Variants in ZFHX3 observed in about 807,000 individuals in gnomAD.
ZFHX3 encodes the protein zinc finger homeobox protein 3.
Under a neutral mutation model 279.1 loss-of-function variants are expected in ZFHX3, and 42 were observed. That is an observed-to-expected ratio of 0.15 (90% CI 0.12 to 0.19). ZFHX3 has a LOEUF of 0.19. ZFHX3 is among the 10% of genes least tolerant of loss of function. ZFHX3 has a pLI of 1.00. For synonymous variants in ZFHX3, 2,293 were observed against 1,957.8 expected, an observed-to-expected ratio of 1.17 and a Z score of -4.52; for missense variants, 4,981 against 4,754.0, an observed-to-expected ratio of 1.05 and a Z score of -1.40.
chr16:73,345,963 C>T (rs898810418), intron 3 of ZFHX3, among the ~76,000 whole-genome samples: 3 of 152,124 alleles, frequency 2.0e-5, no homozygotes, highest in Admixed American at 6.5e-5. Context: ...GCCATAAAGA[C>T]GCTGGGATTC....
intron 3 of ZFHX3, among the ~76,000 whole-genome samples, chr16:73,364,562 C>T (rs1199499620): frequency 6.6e-6 from 1 of 152,120 alleles, no homozygotes; most frequent in African/African-American, 2.4e-5. Flanking sequence ...GAAAGTCCCA[C>T]AGTATGATCA....
At chr16:73,507,414 T>C (rs1227857159) in intron 2 of ZFHX3, among the ~76,000 whole-genome samples, 1 of 147,958 alleles carries the variant, frequency 6.8e-6, no homozygotes, top group African/African-American at 2.5e-5. Context: ...TTTGTGTCCC[T>C]CCCTTGGATG....
chr16:73,721,064 C>T (rs2053469022), intron 1 of ZFHX3, among the ~76,000 whole-genome samples: 1 of 152,166 alleles, frequency 6.6e-6, no homozygotes, highest in Admixed American at 6.5e-5. Context: ...TCTATGTTTC[C>T]CAGTTCACCA....
At chr16:73,315,405 T>C (rs2015423141) in intron 4 of ZFHX3, among the ~76,000 whole-genome samples, 1 of 152,192 alleles carries the variant, frequency 6.6e-6, no homozygotes, top group Non-Finnish European at 1.5e-5. Flanking sequence ...TTTAGTTTAC[T>C]ATACCTCTCG....
intron 5 of ZFHX3, among the ~76,000 whole-genome samples, chr16:73,237,682 T>C (rs2012997300): frequency 6.6e-6 from 1 of 152,054 alleles, no homozygotes; most frequent in African/African-American, 2.4e-5. Flanking sequence ...GCTTCCTTGA[T>C]TCTTGATCCA....
At chr16:73,437,584 T>C (rs1404967319) in intron 3 of ZFHX3, among the ~76,000 whole-genome samples, 1 of 152,194 alleles carries the variant, frequency 6.6e-6, no homozygotes, top group Non-Finnish European at 1.5e-5. Flanking sequence ...GTGCATTTTG[T>C]GTTACATCCT....
intron 2 of ZFHX3, among the ~76,000 whole-genome samples, chr16:73,468,557 G>A (rs1009437688): frequency 9.2e-5 from 14 of 152,130 alleles, no homozygotes; most frequent in African/African-American, 1.7e-4. Flanking sequence ...CCAACATGGC[G>A]AAACCCCATC....
At chr16:73,481,827 C>A (rs980068626) in intron 2 of ZFHX3, among the ~76,000 whole-genome samples, 4 of 152,078 alleles carry the variant, frequency 2.6e-5, no homozygotes, top group African/African-American at 9.7e-5. Flanking sequence ...TTTCTTCACC[C>A]TTTTGTTTAA....
chr16:73,783,135 T>A (rs1959528601), intron 1 of ZFHX3, among the ~76,000 whole-genome samples: 1 of 152,202 alleles, frequency 6.6e-6, no homozygotes, highest in Admixed American at 6.5e-5. Flanking sequence ...GAGAGTTGGC[T>A]TTGATGGCTC....
At chr16:73,594,886 G>C (rs2052033070) in intron 2 of ZFHX3, among the ~76,000 whole-genome samples, 1 of 152,086 alleles carries the variant, frequency 6.6e-6, no homozygotes, top group Non-Finnish European at 1.5e-5. Flanking sequence ...ATTTGTGTAT[G>C]GTCTGAGTAC....
At chr16:73,377,688 G>GTT (rs113912311) in intron 3 of ZFHX3, among the ~76,000 whole-genome samples, 47,228 of 147,818 alleles carry the variant, frequency 0.32, 9,229 homozygotes, top group Non-Finnish European at 0.46. Flanking sequence ...ACTCCTTTGT[G>GTT]TTTTTTTTTT....
At chr16:73,362,450 C>T (rs1417811597) in intron 3 of ZFHX3, among the ~76,000 whole-genome samples, 1 of 152,200 alleles carries the variant, frequency 6.6e-6, no homozygotes, top group African/African-American at 2.4e-5. Context: ...GGCACCAGCT[C>T]ACGGGGGATG....
At chr16:73,822,189 C>A (rs1325483722) in intron 1 of ZFHX3, among the ~76,000 whole-genome samples, 1 of 152,196 alleles carries the variant, frequency 6.6e-6, no homozygotes, top group African/African-American at 2.4e-5. Context: ...GTGTGGCCTT[C>A]TGGCATCTGT....
chr16:73,615,507 C>T (rs1357305686), intron 2 of ZFHX3, among the ~76,000 whole-genome samples: 2 of 152,200 alleles, frequency 1.3e-5, no homozygotes, highest in Non-Finnish European at 2.9e-5. Flanking sequence ...TAGCAAAATC[C>T]TTTTGTAAGT....
intron 1 of ZFHX3, among the ~76,000 whole-genome samples, chr16:73,005,058 T>A (rs1054849658): frequency 3.9e-5 from 6 of 152,206 alleles, no homozygotes; most frequent in African/African-American, 1.4e-4. Context: ...TTGCTGTCAG[T>A]TACATCAGTG....
intron 1 of ZFHX3, among the ~76,000 whole-genome samples, chr16:73,707,879 C>G (rs748503850): frequency 6.6e-6 from 1 of 151,732 alleles, no homozygotes; most frequent in Admixed American, 6.6e-5. Context: ...GACGGAGGAG[C>G]GGGGAGGAAG....
At chr16:73,058,727 G>T in exon 1 of ZFHX3, 1 of 160,506 alleles carries the variant, frequency 6.2e-6, no homozygotes, top group Non-Finnish European at 1.3e-5. Flanking sequence ...CGGCGGCGGC[G>T]GAGCTGGAGC....
intron 4 of ZFHX3, among the ~76,000 whole-genome samples, chr16:72,836,172 G>C (rs2037187832): frequency 6.6e-6 from 1 of 152,110 alleles, no homozygotes; most frequent in Non-Finnish European, 1.5e-5. Context: ...AATCTTTGTG[G>C]CTACACCGAT....
chr16:72,810,044 A>G (rs751395308), intron 7 of ZFHX3, among the ~76,000 whole-genome samples: 106 of 151,148 alleles, frequency 7.0e-4, no homozygotes, highest in Middle Eastern at 3.2e-3. Context: ...ACGCCCGGCT[A>G]ATTTTTTGTA....
Sources: gnomAD v4.1 joint callset for allele counts (sites outside exome capture counted in the v4.1 genomes callset) on GRCh38, gnomAD v4.1.1 for gene constraint, MANE v1.5 for transcripts, NCBI Gene and HGNC (gene_info 2026-07-23, HGNC 2026-07-21) for gene names.